RPL39: variants seen among roughly 807,000 people sequenced by gnomAD.
The protein encoded by RPL39 is ribosomal protein L39, also known as large ribosomal subunit protein eL39.
For synonymous variants in RPL39, 8 were observed against 11.4 expected (o/e 0.70, Z 0.60); for missense variants, 6 against 37.2 (o/e 0.16, Z 2.18).
At chrX:119,791,091 C>T (rs1382284110) in intron 1 of RPL39, 1 of 127,578 alleles carries the variant, frequency 7.8e-6, no homozygotes, top group Non-Finnish European at 1.8e-5. Context: ...TAAACGTCCT[C>T]TAAACAAAAG....
chrX:119,786,878 A>C (rs1440764525), intron 2 of RPL39, 146 bp from the exon 3 acceptor site: 14 of 466,173 alleles, frequency 3.0e-5, no homozygotes, highest in Non-Finnish European at 1.5e-5. Flanking sequence ...TGGAGAGTAA[A>C]AAAAATAATT....
At chrX:119,790,056 C>T (rs1164235529) in intron 1 of RPL39, 45 bp from the exon 2 acceptor site, 1 of 783,548 alleles carries the variant, frequency 1.3e-6, no homozygotes, top group African/African-American at 2.0e-5. Flanking sequence ...AGAGCCTGCC[C>T]GAATGATTCA....
chrX:119,789,426 G>A (rs919298080), intron 2 of RPL39, among the ~76,000 whole-genome samples: 4 of 112,162 alleles, frequency 3.6e-5, no homozygotes, highest in Non-Finnish European at 7.5e-5. Flanking sequence ...GCGTGGTGAC[G>A]CACGCCTGTA....
Position 119,791,583 on chromosome X carries a change from C to T in RPL39, c.-7G>A. ...GGGCCGATGGACTTACCATGGCGAG[C>T]AGCGGAGTCAAGAACACACCACGAT... On this transcript the variant is annotated 5_prime_UTR_variant, in exon 1 of 3. Transcript: ENST00000361575. 1 of 1,175,783 alleles carries T rather than the reference C, an allele frequency of 8.5e-7. No individual in the cohort carries two copies. Among genetic ancestry groups the T allele is most frequent in the East Asian group, 3.2e-5 (1 of 31,336 alleles).
chrX:119,788,673 G>A (rs1394035236), intron 2 of RPL39, among the ~76,000 whole-genome samples: 1 of 110,932 alleles, frequency 9.0e-6, no homozygotes, highest in Non-Finnish European at 1.9e-5. Context: ...GAGGTGGGAG[G>A]GTTACACCAC....
chrX:119,788,315 C>T (rs1024061271), intron 2 of RPL39, among the ~76,000 whole-genome samples: 1 of 111,281 alleles, frequency 9.0e-6, no homozygotes, highest in Non-Finnish European at 1.9e-5. Context: ...GCGTGAATCA[C>T]GAGGTCAGGA....
At chrX:119,790,115 C>T (rs2055691133) in intron 1 of RPL39, 104 bp from the exon 2 acceptor site, 1 of 473,248 alleles carries the variant, frequency 2.1e-6, no homozygotes, top group Admixed American at 3.2e-5. Flanking sequence ...ACACATACCC[C>T]AGCCCCAAAA....
chrX:119,791,242 G>A (rs968803908), intron 1 of RPL39: 30 of 243,258 alleles, frequency 1.2e-4, no homozygotes, highest in East Asian at 1.1e-3. Context: ...GATTTCGGGG[G>A]TGGCTGCCAC....
intron 1 of RPL39, chrX:119,791,260 C>T (rs1481507687): frequency 3.9e-6 from 1 of 258,637 alleles, no homozygotes; most frequent in Non-Finnish European, 7.2e-6. Flanking sequence ...CACCTCCCAC[C>T]CCCCGCCTCC....
intron 2 of RPL39, among the ~76,000 whole-genome samples, chrX:119,788,765 T>C (rs2055682251): frequency 9.0e-6 from 1 of 110,853 alleles, no homozygotes; most frequent in Non-Finnish European, 1.9e-5. Context: ...AAAACCTGTC[T>C]CAAGGCCCAT....
At chrX:119,791,433 A>C in intron 1 of RPL39, 141 bp downstream of exon 1, 1 of 527,612 alleles carries the variant, frequency 1.9e-6, no homozygotes, top group Non-Finnish European at 2.8e-6. Context: ...GAAAGACAAC[A>C]GTGGCCGAAC....
intron 1 of RPL39, 151 bp downstream of exon 1, chrX:119,791,423 G>C: frequency 2.0e-6 from 1 of 491,850 alleles, no homozygotes; most frequent in South Asian, 8.9e-5. Context: ...TCCAGGCCAC[G>C]AAAGACAACA....
At chrX:119,787,057 C>T (rs1388468878) in intron 2 of RPL39, among the ~76,000 whole-genome samples, 1 of 110,795 alleles carries the variant, frequency 9.0e-6, no homozygotes, top group Non-Finnish European at 1.9e-5. Flanking sequence ...CTCTGAACCC[C>T]CTCATAATGG....
chrX:119,787,510 T>C, intron 2 of RPL39: 1 of 369,564 alleles, frequency 2.7e-6, no homozygotes, highest in Middle Eastern at 5.0e-4. Context: ...CGCTGGAAGA[T>C]AGCTAAAACA....
intron 1 of RPL39, 158 bp downstream of exon 1, chrX:119,791,416 A>C: frequency 4.5e-6 from 2 of 444,835 alleles, no homozygotes; most frequent in Non-Finnish European, 6.9e-6. Context: ...GCTTCCCTCC[A>C]GGCCACGAAA....
chrX:119,790,088 C>A, intron 1 of RPL39, 77 bp from the exon 2 acceptor site: 1 of 610,740 alleles, frequency 1.6e-6, no homozygotes. Flanking sequence ...TCCTTCAAAC[C>A]AACATTTGAG....
At chrX:119,789,537 A>G (rs1233212832) in intron 2 of RPL39, among the ~76,000 whole-genome samples, 1 of 111,765 alleles carries the variant, frequency 8.9e-6, no homozygotes, top group African/African-American at 3.3e-5. Context: ...AGCCCGGGTA[A>G]CAGAGCGAGA....
chrX:119,790,218 A>G (rs2055691964), intron 1 of RPL39: 2 of 353,637 alleles, frequency 5.7e-6, no homozygotes, highest in Admixed American at 4.7e-5. Flanking sequence ...TTCAGATAAA[A>G]TAAGTGGAAT....
At chrX:119,786,797 A>G (rs1379609739) in intron 2 of RPL39, 65 bp from the exon 3 acceptor site, 2 of 911,435 alleles carry the variant, frequency 2.2e-6, no homozygotes, top group East Asian at 3.1e-5. Context: ...TCCCATTCAC[A>G]TAACCTTTTA....
Sources: gnomAD v4.1 joint callset for allele counts (sites outside exome capture counted in the v4.1 genomes callset) on GRCh38, gnomAD v4.1.1 for gene constraint, MANE v1.5 for transcripts, NCBI Gene and HGNC (gene_info 2026-07-23, HGNC 2026-07-21) for gene names.